Variants in AGMO observed in about 807,000 individuals in gnomAD.
AGMO encodes the protein glyceryl-ether monooxygenase.
AGMO carries 75 observed loss-of-function variants against 60.2 expected under a neutral mutation model. The ratio of observed to expected loss-of-function variants is 1.25; its 90% CI spans 1.03 to 1.51. The LOEUF is 1.51. Among genes scored for constraint, AGMO ranks in the 40% most tolerant of loss-of-function variants. The probability of loss-of-function intolerance (pLI) is 0.00; values close to 1 mark genes in which losing one functional copy is unlikely to be tolerated. For synonymous variants in AGMO, 261 were observed against 177.1 expected, an observed-to-expected ratio of 1.47 and a Z score of -3.76; for missense variants, 763 against 525.5, an observed-to-expected ratio of 1.45 and a Z score of -4.42.
intron 12 of AGMO, among the ~76,000 whole-genome samples, chr7:15,249,960 G>A (rs1330862193): frequency 1.3e-5 from 2 of 152,104 alleles, no homozygotes; most frequent in Admixed American, 1.3e-4. Context: ...AGAAACTATT[G>A]TTTGATAAAC....
At chr7:15,411,050 T>C (rs950207883) in intron 5 of AGMO, among the ~76,000 whole-genome samples, 2 of 152,000 alleles carry the variant, frequency 1.3e-5, no homozygotes, top group Non-Finnish European at 2.9e-5. Flanking sequence ...CATGAATTTA[T>C]TAATACTATT....
intron 3 of AGMO, among the ~76,000 whole-genome samples, chr7:15,474,000 T>G (rs1583589564): frequency 6.6e-6 from 1 of 152,216 alleles, no homozygotes; most frequent in South Asian, 2.1e-4. Flanking sequence ...ACAAGGGATG[T>G]GAGGGACCTC....
intron 12 of AGMO, among the ~76,000 whole-genome samples, chr7:15,272,294 G>C (rs1365051992): frequency 3.2e-5 from 3 of 93,622 alleles, no homozygotes; most frequent in African/African-American, 9.0e-5. Flanking sequence ...CCCACCCCAC[G>C]ACAGTCCCAG....
intron 12 of AGMO, among the ~76,000 whole-genome samples, chr7:15,272,563 T>G (rs1220432186): frequency 6.6e-6 from 1 of 152,160 alleles, no homozygotes; most frequent in Admixed American, 6.5e-5. Flanking sequence ...AAGTCTTTGC[T>G]ATTGTGAATA....
chr7:15,322,471 TATAA>T (rs1368575319), intron 12 of AGMO, among the ~76,000 whole-genome samples: 1 of 107,780 alleles, frequency 9.3e-6, no homozygotes, highest in Admixed American at 1.3e-4. Flanking sequence ...TATATAAATA[TATAA>T]ATATATATAT....
chr7:15,350,995 A>C (rs147110886), intron 12 of AGMO, among the ~76,000 whole-genome samples: 17 of 152,306 alleles, frequency 1.1e-4, no homozygotes, highest in African/African-American at 3.8e-4. Context: ...AATGCTTTTT[A>C]AGAAAATTTA....
chr7:15,550,138 A>G (rs1261980932), intron 2 of AGMO, among the ~76,000 whole-genome samples: 3 of 151,966 alleles, frequency 2.0e-5, no homozygotes, highest in African/African-American at 7.3e-5. Flanking sequence ...GACACAACAT[A>G]CCAGAATCTC....
At chr7:15,554,438 T>C (rs1375052935) in intron 2 of AGMO, among the ~76,000 whole-genome samples, 2 of 152,030 alleles carry the variant, frequency 1.3e-5, no homozygotes, top group Non-Finnish European at 2.9e-5. Flanking sequence ...GATCTAAATG[T>C]AAAGAGACAT....
At chr7:15,371,943 T>TAG (rs1783235658) in intron 10 of AGMO, among the ~76,000 whole-genome samples, 2 of 152,082 alleles carry the variant, frequency 1.3e-5, no homozygotes, top group Non-Finnish European at 2.9e-5. Context: ...ATTAAATATT[T>TAG]AAATATTAAG....
chr7:15,359,770 C>T (rs1446467708), intron 12 of AGMO, among the ~76,000 whole-genome samples: 1 of 152,182 alleles, frequency 6.6e-6, no homozygotes, highest in African/African-American at 2.4e-5. Context: ...TTGTATGTTA[C>T]ATGGTCACTG....
intron 12 of AGMO, among the ~76,000 whole-genome samples, chr7:15,235,961 T>C (rs1041670454): frequency 1.3e-5 from 2 of 152,182 alleles, no homozygotes; most frequent in African/African-American, 4.8e-5. Flanking sequence ...TTTGGTTTAC[T>C]TTACAGACAG....
At chr7:15,360,205 T>C (rs73300325) in intron 12 of AGMO, among the ~76,000 whole-genome samples, 2,656 of 152,294 alleles carry the variant, frequency 0.017, 69 homozygotes, top group African/African-American at 0.059. Flanking sequence ...ACAGAGGTAC[T>C]CAAAAATCTG....
At chr7:15,320,069 C>G (rs546641352) in intron 12 of AGMO, among the ~76,000 whole-genome samples, 24 of 150,240 alleles carry the variant, frequency 1.6e-4, no homozygotes, top group African/African-American at 4.9e-4. Flanking sequence ...ACAATGAGAA[C>G]ACTTGGACAC....
At chr7:15,119,487 C>A in the AGMO span, among the ~76,000 whole-genome samples, 1 of 151,540 alleles carries the variant, frequency 6.6e-6, no homozygotes, top group Non-Finnish European at 1.5e-5. Flanking sequence ...TACTTCCTTA[C>A]CCAGCTTAAA....
chr7:15,407,084 A>T (rs781724938), intron 5 of AGMO, among the ~76,000 whole-genome samples: 9 of 145,038 alleles, frequency 6.2e-5, no homozygotes, highest in Non-Finnish European at 1.5e-5. Context: ...ATGTGTATAT[A>T]TACACATATA....
the AGMO span, among the ~76,000 whole-genome samples, chr7:15,123,668 G>T: frequency 3.4e-4 from 52 of 151,926 alleles, 1 homozygote; most frequent in South Asian, 4.1e-4. Context: ...TTAGAAACAT[G>T]AACATAAGAT....
intron 4 of AGMO, among the ~76,000 whole-genome samples, chr7:15,422,746 A>C (rs1159911984): frequency 6.6e-6 from 1 of 152,054 alleles, no homozygotes; most frequent in Non-Finnish European, 1.5e-5. Context: ...GAATCCATAC[A>C]TGGAGGGGCA....
intron 3 of AGMO, among the ~76,000 whole-genome samples, chr7:15,459,848 G>A (rs186566382): frequency 7.4e-4 from 112 of 152,006 alleles, no homozygotes; most frequent in African/African-American, 2.6e-3. Flanking sequence ...GATAGAGGTC[G>A]CCTCATTAAT....
chr7:15,296,298 A>T (rs1784402952), intron 12 of AGMO, among the ~76,000 whole-genome samples: 1 of 152,190 alleles, frequency 6.6e-6, no homozygotes, highest in Non-Finnish European at 1.5e-5. Flanking sequence ...TTATCCTACA[A>T]GCCCTAAGTT....
Sources: gnomAD v4.1 joint callset for allele counts (sites outside exome capture counted in the v4.1 genomes callset) on GRCh38, gnomAD v4.1.1 for gene constraint, MANE v1.5 for transcripts, NCBI Gene and HGNC (gene_info 2026-07-23, HGNC 2026-07-21) for gene names.